The following TENM4 variants were observed in gnomAD, a reference collection of about 807,000 sequenced individuals.
TENM4 encodes the protein teneurin-4.
A neutral mutation model predicts 243.3 loss-of-function variants in TENM4; 82 were observed. The observed-to-expected ratio is 0.34, with a 90% CI of 0.28 to 0.40. The LOEUF (loss-of-function observed/expected upper bound fraction) is 0.40. Among genes scored for constraint, TENM4 ranks in the 10% least tolerant of loss-of-function variants. TENM4 has a pLI of 1.00. For missense variants in TENM4, 3,138 were observed against 3,673.3 expected, an observed-to-expected ratio of 0.85 and a Z score of 3.77; for synonymous variants, 1,412 against 1,456.3, an observed-to-expected ratio of 0.97 and a Z score of 0.69.
At chr11:79,097,089 G>C (rs1346045742) in intron 4 of TENM4, 1 of 152,128 alleles carries the variant, frequency 6.6e-6, no homozygotes, top group Admixed American at 6.5e-5. Context: ...AACAAGCATT[G>C]AGACAGGGGC....
intron 2 of TENM4, among the ~76,000 whole-genome samples, chr11:79,261,713 C>T (rs525086): frequency 5.4e-4 from 82 of 152,026 alleles, no homozygotes; most frequent in Non-Finnish European, 6.8e-4. Flanking sequence ...GGAGGAGGAG[C>T]GCTATGTGTT....
intron 9 of TENM4, among the ~76,000 whole-genome samples, chr11:78,875,195 C>T (rs995983341): frequency 2.8e-4 from 43 of 152,254 alleles, no homozygotes; most frequent in African/African-American, 9.9e-4. Flanking sequence ...GATGGATGTT[C>T]ATTTTTCCTT....
chr11:79,216,524 T>C (rs2135227964), intron 2 of TENM4, among the ~76,000 whole-genome samples: 1 of 152,304 alleles, frequency 6.6e-6, no homozygotes, highest in Admixed American at 6.5e-5. Flanking sequence ...AATTCCTCAA[T>C]GTGGTAGTGT....
chr11:78,793,884 T>C (rs1350627386), intron 15 of TENM4, among the ~76,000 whole-genome samples: 1 of 152,234 alleles, frequency 6.6e-6, no homozygotes, highest in Admixed American at 6.5e-5. Flanking sequence ...ATACCTCAGA[T>C]GCCATATGAG....
intron 4 of TENM4, among the ~76,000 whole-genome samples, chr11:79,113,718 C>A (rs1028916745): frequency 1.7e-4 from 26 of 152,166 alleles, no homozygotes; most frequent in African/African-American, 6.3e-4. Context: ...ACATTGGGAA[C>A]CCTGGCCCTG....
chr11:78,794,484 C>T lies in TENM4; in HGVS notation c.2180-7401G>A, dbSNP rs117866689. 7.0e-3 allele frequency among the ~76,000 whole-genome samples: 1,070 copies of T among 152,280 alleles called. 30 individuals carry two copies. The highest frequency in any genetic ancestry group is 0.058 in the East Asian group (301 of 5,170). ...TAGATGTGAACATTTGAAACAGCCC[C>T]CTGGCGAATGAGAGCGAGAACTCAC... On this transcript the variant is annotated intron_variant, in intron 15 of 33. Coordinates refer to ENST00000278550, the MANE Select transcript of TENM4 (RefSeq NM_001098816.3).
Position 78,658,642 on chromosome 11 carries a change from C to T in TENM4, c.7726G>A (p.Asp2576Asn). The T allele has an allele frequency of 6.2e-7, 1 of 1,614,048 alleles. No individual in the cohort carries two copies. Among genetic ancestry groups the T allele is most frequent in the East Asian group, 2.2e-5 (1 of 44,888 alleles). Residue 2576 changes from aspartate (D) to asparagine (N), a missense_variant, in exon 34 of 34, where the codon GAT becomes AAT. Asp to Asn is a conservative substitution (Grantham distance 23). Coordinates refer to ENST00000278550, the MANE Select transcript of TENM4 (RefSeq NM_001098816.3). ...FGKGVKFALK[D>N]GRVTTDIISV... The stretch of plus-strand genomic sequence containing the variant: ...ATGATGTCTGTGGTCACTCGGCCAT[C>T]CTTCAAGGCAAACTTGACCCCCTTG...
chr11:78,982,201 G>C (rs1378880324), intron 6 of TENM4, among the ~76,000 whole-genome samples: 1 of 152,090 alleles, frequency 6.6e-6, no homozygotes, highest in Non-Finnish European at 1.5e-5. Context: ...GCATCTTCTG[G>C]TTGGCAAGTA....
Position 79,143,364 on chromosome 11 carries a change from A to C in TENM4, c.-66+5346T>G, listed in dbSNP as rs372582015. On this transcript the variant is annotated intron_variant, in intron 4 of 33. Transcript: ENST00000278550. ...TGCAGCCATAAAAAATGATGAGTTC[A>C]TGTCCTTTGTAGGGACATGGATGAA... is the stretch of plus-strand genomic sequence containing the variant. 1.7e-3 allele frequency among the ~76,000 whole-genome samples: 257 copies of C among 152,298 alleles called. 9 individuals carry two copies. The South Asian group carries it at 0.047, about 28-fold the overall frequency.
At chr11:79,147,286 C>T (rs1862412046) in intron 4 of TENM4, among the ~76,000 whole-genome samples, 1 of 152,112 alleles carries the variant, frequency 6.6e-6, no homozygotes, top group African/African-American at 2.4e-5. Context: ...GATTTGCAGG[C>T]CTCCCAGTCT....
rs1860377551 is a variant in TENM4, at chr11:79,070,248, C to T, written c.-65-239G>A. 2.0e-5 allele frequency among the ~76,000 whole-genome samples: 3 copies of T among 152,146 alleles called. No individual in the cohort carries two copies. The East Asian group carries it at 5.8e-4, about 29-fold the overall frequency. ...CTATTCACCTTGAGGAGGCCTCCTC[C>T]AGTGATGGGCACCGAGGAAGCTGAC... On this transcript the variant is annotated intron_variant, in intron 4 of 33. Coordinates refer to ENST00000278550, the MANE Select transcript of TENM4 (RefSeq NM_001098816.3).
rs1370875385 is a variant in TENM4, at chr11:79,163,923, CAT to C, written c.-162-15119_-162-15118del. On this transcript the variant is annotated intron_variant, in intron 3 of 33. Coordinates refer to ENST00000278550, the MANE Select transcript of TENM4 (RefSeq NM_001098816.3). ...TATATATCGTATATAGGTATATATC[CAT>C]ATATATCATATATATCTATATAGTA... Among the ~76,000 whole-genome samples, 3 of 137,280 alleles carry C rather than the reference CAT, an allele frequency of 2.2e-5. No individual in the cohort carries two copies. In the South Asian group the frequency reaches 6.7e-4, roughly 31 times the overall value. 90.1% of individuals were successfully genotyped at this position (137,280 alleles called of 152,430 possible).
chr11:79,163,293 A>T (rs1056663991), intron 3 of TENM4, among the ~76,000 whole-genome samples: 2 of 152,166 alleles, frequency 1.3e-5, no homozygotes, highest in African/African-American at 2.4e-5. Flanking sequence ...TGTTATATTC[A>T]TAAAAATCCT....
At position 79,133,190 on chromosome 11, in the gene TENM4, A is replaced by T. The variant is rs568356724; in HGVS notation, c.-66+15520T>A. Among the ~76,000 whole-genome samples, 91 of 152,340 alleles carry T rather than the reference A, an allele frequency of 6.0e-4. 1 individual carries two copies. The highest frequency in any genetic ancestry group is 2.2e-3 in the African/African-American group (90 of 41,594). ...AGATATTACAACTGACACCACTGAA[A>T]TACAAAAGATCATCCAAGGCTATTG... On this transcript the variant is annotated intron_variant, in intron 4 of 33. Transcript: ENST00000278550.
chr11:79,041,652 C>T (rs1467781507), intron 6 of TENM4, among the ~76,000 whole-genome samples: 3 of 152,152 alleles, frequency 2.0e-5, no homozygotes, highest in African/African-American at 7.2e-5. Context: ...GAAGCAGGCT[C>T]TTGTTTTGAA....
intron 12 of TENM4, among the ~76,000 whole-genome samples, chr11:78,849,948 GC>G (rs1858493336): frequency 6.6e-6 from 1 of 152,178 alleles, no homozygotes; most frequent in Non-Finnish European, 1.5e-5. Context: ...CCTCGGCCCA[GC>G]CAGGACCAGG....
chr11:78,672,279 T>C lies in TENM4; in HGVS notation c.5547A>G (p.Thr1849=). The change falls in exon 31 of 34, where the codon ACA becomes ACG. Residue 1849 remains threonine (T), a synonymous_variant. Transcript: ENST00000278550. ...LSLDFDRVTR[T]EKIYDDHRKF... is the part of the protein sequence containing the mutation. Reference sequence around the variant, plus strand: ...TGCGGTGGTCATCATAGATCTTCTCTGTGCGTGTTACGCGATCAAAGTCCA... The same window carrying C: ...TGCGGTGGTCATCATAGATCTTCTCCGTGCGTGTTACGCGATCAAAGTCCA... The C allele has an allele frequency of 6.2e-7, 1 of 1,613,892 alleles. No individual in the cohort carries two copies. Among genetic ancestry groups the C allele is most frequent in the Non-Finnish European group, 8.5e-7 (1 of 1,179,786 alleles).
At chr11:79,029,798 G>T (rs1437630017) in intron 6 of TENM4, among the ~76,000 whole-genome samples, 1 of 152,290 alleles carries the variant, frequency 6.6e-6, no homozygotes, top group South Asian at 2.1e-4. Context: ...CTCTATCCAG[G>T]TGGGCTCTTC....
At chr11:79,046,966 C>T (rs545808181) in intron 6 of TENM4, among the ~76,000 whole-genome samples, 4 of 152,106 alleles carry the variant, frequency 2.6e-5, no homozygotes, top group East Asian at 1.9e-4. Context: ...TTCATCAAGA[C>T]GCGATGAGAA....
Sources: allele counts gnomAD v4.1 joint callset (sites outside exome capture counted in the v4.1 genomes callset), GRCh38; gene constraint gnomAD v4.1.1; transcripts MANE v1.5; gene names NCBI Gene and HGNC (gene_info 2026-07-23, HGNC 2026-07-21).